DENND1A: variants seen among roughly 807,000 people sequenced by gnomAD.
The protein encoded by DENND1A is DENN domain containing 1A, also known as DENN domain-containing protein 1A.
Under a neutral mutation model 113.7 loss-of-function variants are expected in DENND1A, and 51 were observed. The ratio of observed to expected loss-of-function variants is 0.45; its 90% CI spans 0.36 to 0.57. The LOEUF is 0.57. Among genes scored for constraint, DENND1A ranks in the 20% least tolerant of loss-of-function variants. The pLI is 0.00. For missense variants in DENND1A, 1,258 were observed against 1,395.9 expected, an observed-to-expected ratio of 0.90 and a Z score of 1.57; for synonymous variants, 565 against 570.8, an observed-to-expected ratio of 0.99 and a Z score of 0.14.
chr9:123,489,221 T>C (rs1323210255), intron 13 of DENND1A, among the ~76,000 whole-genome samples: 3 of 152,190 alleles, frequency 2.0e-5, no homozygotes, highest in Non-Finnish European at 4.4e-5. Flanking sequence ...GATCTGAAGT[T>C]AGAAGTTCTA....
intron 13 of DENND1A, among the ~76,000 whole-genome samples, chr9:123,524,875 T>C (rs1373068134): frequency 6.6e-6 from 1 of 152,216 alleles, no homozygotes; most frequent in Non-Finnish European, 1.5e-5. Flanking sequence ...ACCTCCGACT[T>C]AGCTACCTTG....
chr9:123,546,411 G>T (rs1482886998), intron 13 of DENND1A, among the ~76,000 whole-genome samples: 1 of 152,078 alleles, frequency 6.6e-6, no homozygotes, highest in Non-Finnish European at 1.5e-5. Flanking sequence ...AAGTAGCCGG[G>T]CGTGGTGGTA....
chr9:123,769,856 A>G (rs1211290709), intron 3 of DENND1A, among the ~76,000 whole-genome samples: 4 of 152,154 alleles, frequency 2.6e-5, no homozygotes, highest in Non-Finnish European at 2.9e-5. Flanking sequence ...GAGTGTTAAC[A>G]CCCCTCCAGG....
chr9:123,681,918 G>GA (rs112865204), intron 5 of DENND1A, among the ~76,000 whole-genome samples: 373 of 132,452 alleles, frequency 2.8e-3, no homozygotes, highest in Middle Eastern at 7.8e-3. Context: ...GTTGGGTTAG[G>GA]AAAAAAAAAA....
At chr9:123,509,227 T>G (rs1307993168) in intron 13 of DENND1A, among the ~76,000 whole-genome samples, 1 of 152,152 alleles carries the variant, frequency 6.6e-6, no homozygotes. Context: ...TGGACAAATT[T>G]TGGCTCTGAG....
chr9:123,821,700 T>G (rs182588860), intron 2 of DENND1A, among the ~76,000 whole-genome samples: 1 of 152,364 alleles, frequency 6.6e-6, no homozygotes, highest in East Asian at 1.9e-4. Flanking sequence ...TTAACAGCAC[T>G]GCTTTCTGAT....
At chr9:123,734,171 T>C (rs1310442923) in intron 5 of DENND1A, among the ~76,000 whole-genome samples, 1 of 152,156 alleles carries the variant, frequency 6.6e-6, no homozygotes, top group Non-Finnish European at 1.5e-5. Flanking sequence ...AGAGTCATTA[T>C]TAAGTTTTTA....
At chr9:123,686,695 C>T (rs2064831584) in intron 5 of DENND1A, among the ~76,000 whole-genome samples, 1 of 152,168 alleles carries the variant, frequency 6.6e-6, no homozygotes, top group Admixed American at 6.5e-5. Context: ...TGTTTCGTGT[C>T]AAGACCCAGT....
intron 9 of DENND1A, among the ~76,000 whole-genome samples, chr9:123,642,786 A>T (rs1392880381): frequency 6.6e-6 from 1 of 152,192 alleles, no homozygotes; most frequent in African/African-American, 2.4e-5. Context: ...TGCCACTCTC[A>T]TCTCTGCTTC....
chr9:123,757,672 A>G (rs1044093960), intron 5 of DENND1A, 31 bp downstream of exon 5: 3 of 1,606,786 alleles, frequency 1.9e-6, no homozygotes, highest in African/African-American at 2.7e-5. Flanking sequence ...GCTTCAGAGA[A>G]CAAGCCAACA....
In DENND1A at chr9:123,667,214, T is replaced by C. The variant is rs1011951391; in HGVS notation, c.454-135A>G. 6.2e-5 allele frequency: 51 copies of C among 824,852 alleles called. No individual in the cohort carries two copies. In the African/African-American group the frequency reaches 8.5e-4, roughly 14 times the overall value. The allele number at this position is 824,852 out of a possible 1,614,324, so 51.1% of individuals were successfully genotyped here. On this transcript the variant is annotated intron_variant, in intron 7 of 23. Transcript: ENST00000394215. ...CGGTTTCACTCAGAAGAAACACCCA[T>C]GGAATATTTTCTTTGGATAATGTCA...
At chr9:123,471,388 G>T (rs2049410891) in intron 13 of DENND1A, among the ~76,000 whole-genome samples, 1 of 152,182 alleles carries the variant, frequency 6.6e-6, no homozygotes, top group Non-Finnish European at 1.5e-5. Context: ...TTGACTCTTA[G>T]CGGAGGGGCT....
intron 3 of DENND1A, among the ~76,000 whole-genome samples, chr9:123,789,945 T>A (rs1185753608): frequency 1.3e-5 from 2 of 151,904 alleles, no homozygotes; most frequent in Non-Finnish European, 2.9e-5. Flanking sequence ...CAAGCACTGG[T>A]AGTTTAGGCG....
intron 20 of DENND1A, among the ~76,000 whole-genome samples, chr9:123,407,155 G>T (rs1049431196): frequency 6.7e-6 from 1 of 149,330 alleles, no homozygotes; most frequent in East Asian, 2.0e-4. Context: ...AGACAGAGCA[G>T]GGGGGGAGGG....
intron 2 of DENND1A, among the ~76,000 whole-genome samples, chr9:123,856,438 C>T (rs368380039): frequency 6.6e-5 from 10 of 152,246 alleles, no homozygotes; most frequent in African/African-American, 2.2e-4. Flanking sequence ...CAGGGATACA[C>T]AGTCATCCAC....
chr9:123,432,925 G>A (rs2046242261), intron 19 of DENND1A, among the ~76,000 whole-genome samples: 1 of 152,212 alleles, frequency 6.6e-6, no homozygotes, highest in African/African-American at 2.4e-5. Flanking sequence ...AGAGGTGTAG[G>A]GACACAGGTC....
intron 19 of DENND1A, among the ~76,000 whole-genome samples, chr9:123,423,545 C>A (rs1446263273): frequency 6.6e-6 from 1 of 152,150 alleles, no homozygotes; most frequent in Non-Finnish European, 1.5e-5. Context: ...GCAGGAGGAC[C>A]CCCTCCCTTC....
chr9:123,647,783 C>T (rs948571383), intron 9 of DENND1A, among the ~76,000 whole-genome samples: 2 of 152,144 alleles, frequency 1.3e-5, no homozygotes, highest in East Asian at 1.9e-4. Context: ...GACTACACCA[C>T]GGCCTATCAG....
rs144239276 is a variant in DENND1A, at chr9:123,512,445, C to T, written c.993+45125G>A. On this transcript the variant is annotated intron_variant, in intron 13 of 23. Transcript: ENST00000394215. ...CCGAGGCCTCTATAGATGCAGGTCT[C>T]GGGCAAGAACAGCATCCTGGGACTT... Among the ~76,000 whole-genome samples, 25 of 152,322 alleles carry T rather than the reference C, an allele frequency of 1.6e-4. No individual in the cohort carries two copies. In the East Asian group the frequency reaches 4.0e-3, roughly 25 times the overall value.
Sources: gnomAD v4.1 joint callset for allele counts (sites outside exome capture counted in the v4.1 genomes callset) on GRCh38, gnomAD v4.1.1 for gene constraint, MANE v1.5 for transcripts, NCBI Gene and HGNC (gene_info 2026-07-23, HGNC 2026-07-21) for gene names.